SCTR: variants seen among roughly 807,000 people sequenced by gnomAD.
SCTR encodes pancreatic secretin receptor.
SCTR carries 56 observed loss-of-function variants against 60.8 expected under a neutral mutation model. The observed-to-expected ratio is 0.92, with a 90% CI of 0.74 to 1.15. SCTR has a LOEUF of 1.15. Among genes scored for constraint, SCTR ranks in the 50% most tolerant of loss-of-function variants. The pLI is 0.00. For synonymous variants in SCTR, 202 were observed against 217.0 expected (o/e 0.93, Z 0.61); for missense variants, 562 against 550.4 (o/e 1.02, Z -0.21).
chr2:119,482,959 T>C lies in SCTR; in HGVS notation c.194-4041A>G, dbSNP rs552193059. On this transcript the variant is annotated intron_variant, in intron 2 of 12. Coordinates refer to ENST00000019103, the MANE Select transcript of SCTR (RefSeq NM_002980.3). ...CCAGCTCGGGTCAGCCTCTCTTGCA[T>C]TGGAAGCAGCTGGGGCATTTCCAGA... 3.9e-5 allele frequency among the ~76,000 whole-genome samples: 6 copies of C among 152,328 alleles called. No individual in the cohort carries two copies. The East Asian group carries it at 7.7e-4, about 20-fold the overall frequency.
Position 119,459,459 on chromosome 2 carries a change from T to C in SCTR, c.790+2388A>G, listed in dbSNP as rs543907237. 1.6e-3 allele frequency among the ~76,000 whole-genome samples: 242 copies of C among 152,154 alleles called. 4 individuals are homozygous for C. Among genetic ancestry groups the C allele is most frequent in the African/African-American group, 5.6e-3 (232 of 41,528 alleles). ...TTTACAAGGTTTTACAGTAGGGGTGTACCCATTTAAGCAACCTATCTTTGA... is the reference window on the plus strand; with the variant it reads ...TTTACAAGGTTTTACAGTAGGGGTGCACCCATTTAAGCAACCTATCTTTGA... On this transcript the variant is annotated intron_variant, in intron 7 of 12. Transcript: ENST00000019103.
chr2:119,489,000 G>T (rs539491407), intron 2 of SCTR, among the ~76,000 whole-genome samples: 1 of 152,084 alleles, frequency 6.6e-6, no homozygotes, highest in Admixed American at 6.6e-5. Context: ...ACCCTCTGCC[G>T]CCACGGGGAG....
intron 1 of SCTR, among the ~76,000 whole-genome samples, chr2:119,506,799 A>G (rs1175027431): frequency 6.6e-6 from 1 of 152,170 alleles, no homozygotes; most frequent in Non-Finnish European, 1.5e-5. Context: ...TGAAATGACA[A>G]AATTATAGAA....
chr2:119,496,075 T>C (rs1340598543), intron 1 of SCTR, among the ~76,000 whole-genome samples: 2 of 152,178 alleles, frequency 1.3e-5, no homozygotes, highest in Non-Finnish European at 2.9e-5. Flanking sequence ...TCTTCTTCCT[T>C]GTGGGGTCTC....
intron 7 of SCTR, among the ~76,000 whole-genome samples, chr2:119,457,933 C>A (rs184368967): frequency 2.6e-4 from 39 of 152,224 alleles, no homozygotes; most frequent in African/African-American, 8.9e-4. Context: ...TTATTATAAA[C>A]CTTGTAGTCT....
At chr2:119,509,403 GAAT>G (rs1678861390) in intron 1 of SCTR, among the ~76,000 whole-genome samples, 1 of 152,144 alleles carries the variant, frequency 6.6e-6, no homozygotes, top group Admixed American at 6.5e-5. Context: ...CAATGTGTGT[GAAT>G]AGTGAATGAG....
chr2:119,517,107 T>C lies in SCTR; in HGVS notation c.72+7048A>G, dbSNP rs1679140043. Among the ~76,000 whole-genome samples the C allele has an allele frequency of 2.0e-5, 3 of 152,104 alleles. 1 individual carries two copies. The highest frequency in any genetic ancestry group is 4.1e-4 in the South Asian group (2 of 4,828). ...GTGAAGAAACATATGTTAATTTGCTTGACTATAGTAATCACTTCACTGTGT... is the reference window on the plus strand; with the variant it reads ...GTGAAGAAACATATGTTAATTTGCTCGACTATAGTAATCACTTCACTGTGT... On this transcript the variant is annotated intron_variant, in intron 1 of 12. Coordinates refer to ENST00000019103, the MANE Select transcript of SCTR (RefSeq NM_002980.3).
At chr2:119,513,126 G>C (rs1679009427) in intron 1 of SCTR, among the ~76,000 whole-genome samples, 1 of 152,164 alleles carries the variant, frequency 6.6e-6, no homozygotes, top group African/African-American at 2.4e-5. Context: ...TCAGTGTCTG[G>C]GGCCTTTCCA....
intron 12 of SCTR, 93 bp downstream of exon 12, chr2:119,441,465 C>T (rs1682651448): frequency 5.0e-6 from 5 of 1,007,904 alleles, no homozygotes; most frequent in Non-Finnish European, 7.7e-6. Flanking sequence ...TTTCCATCCC[C>T]CTTCCTACCA....
intron 4 of SCTR, among the ~76,000 whole-genome samples, chr2:119,467,378 A>G (rs1683882492): frequency 6.6e-6 from 1 of 152,168 alleles, no homozygotes; most frequent in South Asian, 2.1e-4. Context: ...GTCTCAAAAA[A>G]AAAAAAAAAT....
intron 4 of SCTR, among the ~76,000 whole-genome samples, chr2:119,467,134 C>CT (rs1683868175): frequency 6.6e-6 from 1 of 152,074 alleles, no homozygotes; most frequent in African/African-American, 2.4e-5. Context: ...AATCCCTGCA[C>CT]TTTAGGAGGC....
chr2:119,448,924 C>T, intron 9 of SCTR, 144 bp from the exon 10 acceptor site: 1 of 615,060 alleles, frequency 1.6e-6, no homozygotes, highest in South Asian at 1.9e-5. Context: ...CGCTCCTCTC[C>T]ATCCCCTCCC....
At chr2:119,508,333 T>C (rs1451770178) in intron 1 of SCTR, among the ~76,000 whole-genome samples, 1 of 151,808 alleles carries the variant, frequency 6.6e-6, no homozygotes, top group Non-Finnish European at 1.5e-5. Flanking sequence ...TCATATTCTC[T>C]TTTCTAAAAA....
At chr2:119,485,409 G>A (rs1373119514) in intron 2 of SCTR, among the ~76,000 whole-genome samples, 1 of 152,192 alleles carries the variant, frequency 6.6e-6, no homozygotes, top group African/African-American at 2.4e-5. Flanking sequence ...GGTTGGGGGA[G>A]GACTGAGAGA....
At position 119,473,574 on chromosome 2, in the gene SCTR, C is replaced by A; in HGVS notation, c.302-18G>T. 1 of 1,550,924 alleles carries A rather than the reference C, an allele frequency of 6.4e-7. No homozygotes were observed. The highest frequency in any genetic ancestry group is 8.9e-7 in the Non-Finnish European group (1 of 1,122,626). On this transcript the variant is annotated intron_variant, in intron 3 of 12. Transcript: ENST00000019103. ...CAAGGAACCTGTGGGTGCCAAGAGT[C>A]CTGTAGGTGAGCCATGGGCCCAGGC... is the stretch of plus-strand genomic sequence containing the variant.
Position 119,494,462 on chromosome 2 carries a change from C to A in SCTR, c.159G>T (p.Gln53His). The change falls in exon 2 of 13, where the codon CAG becomes CAT. Residue 53 changes from glutamine to histidine, a missense_variant. By Grantham distance (24) the Gln-to-His change is conservative. Transcript: ENST00000019103. ...GCTGCTCCGTGCCCAGGTCTCCTGT[C>A]TGCTCTCTGGAGAGTTCCTGCAGGC... ...DQCLQELSRE[Q>H]TGDLGTEQPV... is the part of the protein sequence containing the mutation. 4 of 1,614,050 alleles carry A rather than the reference C, an allele frequency of 2.5e-6. No homozygotes were observed. Among genetic ancestry groups the A allele is most frequent in the Non-Finnish European group, 3.4e-6 (4 of 1,179,946 alleles).
Position 119,478,938 on chromosome 2 carries a change from C to T in SCTR, c.194-20G>A, listed in dbSNP as rs1677470175. On this transcript the variant is annotated intron_variant, in intron 2 of 12. Coordinates refer to ENST00000019103, the MANE Select transcript of SCTR (RefSeq NM_002980.3). ...CACAACCTGCCAAGAAAAGCAGCATCAGACAAGGATGGGGGATGGACCGAG... is the reference window on the plus strand; with the variant it reads ...CACAACCTGCCAAGAAAAGCAGCATTAGACAAGGATGGGGGATGGACCGAG... 10 of 1,613,964 alleles carry T rather than the reference C, an allele frequency of 6.2e-6. No individual in the cohort carries two copies. Among genetic ancestry groups the T allele is most frequent in the Non-Finnish European group, 8.5e-6 (10 of 1,179,904 alleles).
At chr2:119,469,848 C>T (rs1023820727) in intron 4 of SCTR, among the ~76,000 whole-genome samples, 3 of 152,182 alleles carry the variant, frequency 2.0e-5, no homozygotes, top group Admixed American at 2.0e-4. Flanking sequence ...ACATGGGGCC[C>T]AGAAGCCTCA....
intron 1 of SCTR, among the ~76,000 whole-genome samples, chr2:119,501,945 G>A (rs899343942): frequency 6.6e-6 from 1 of 152,118 alleles, no homozygotes; most frequent in Admixed American, 6.6e-5. Flanking sequence ...CTTGCAGTGA[G>A]CACATGCACA....
Sources: gnomAD v4.1 joint callset for allele counts (sites outside exome capture counted in the v4.1 genomes callset) on GRCh38, gnomAD v4.1.1 for gene constraint, MANE v1.5 for transcripts, NCBI Gene and HGNC (gene_info 2026-07-23, HGNC 2026-07-21) for gene names.